The following CEMIP2 variants were observed in gnomAD, a reference collection of about 807,000 sequenced individuals.
The protein encoded by CEMIP2 is cell migration inducing hyaluronidase 2, also known as cell surface hyaluronidase CEMIP2.
A neutral mutation model predicts 146.9 loss-of-function variants in CEMIP2; 79 were observed. That is an observed-to-expected ratio of 0.54 (90% confidence interval 0.45 to 0.65). The LOEUF is 0.65. Among genes scored for constraint, CEMIP2 ranks in the 30% least tolerant of loss-of-function variants. The pLI, the probability that CEMIP2 is intolerant of heterozygous loss-of-function variation, is 0.00. For missense variants in CEMIP2, 1,596 were observed against 1,696.2 expected, an observed-to-expected ratio of 0.94 and a Z score of 1.04; for synonymous variants, 601 against 606.3, an observed-to-expected ratio of 0.99 and a Z score of 0.13.
chr9:71,747,992 A>T (rs909333465), intron 2 of CEMIP2, among the ~76,000 whole-genome samples: 1 of 152,060 alleles, frequency 6.6e-6, no homozygotes, highest in South Asian at 2.1e-4. Flanking sequence ...AAACAAAAAA[A>T]CTCTTAAATT....
chr9:71,686,936 A>G (rs1156577127), intron 22 of CEMIP2: 1 of 152,220 alleles, frequency 6.6e-6, no homozygotes, highest in Non-Finnish European at 1.5e-5. Context: ...ATGGATAAAC[A>G]CAATTCTAAA....
intron 1 of CEMIP2, among the ~76,000 whole-genome samples, chr9:71,752,064 C>A (rs910139165): frequency 2.6e-5 from 4 of 152,026 alleles, no homozygotes; most frequent in African/African-American, 9.7e-5. Context: ...AAGGTAGATG[C>A]CATTACCTCC....
At chr9:71,715,236 GCTTTTTTTT>G in intron 14 of CEMIP2, 147 bp from the exon 15 acceptor site, 14 of 378,726 alleles carry the variant, frequency 3.7e-5, no homozygotes, top group East Asian at 1.2e-4. Flanking sequence ...TTCAGAAACT[GCTTTTTTTT>G]TTTTTTTTTT....
At chr9:71,741,568 A>G (rs1256263151) in intron 4 of CEMIP2, among the ~76,000 whole-genome samples, 1 of 150,962 alleles carries the variant, frequency 6.6e-6, no homozygotes, top group Non-Finnish European at 1.5e-5. Flanking sequence ...AATTTTATAT[A>G]CTATATGTCT....
chr9:71,750,473 C>T lies in CEMIP2; in HGVS notation c.-12-88G>A, dbSNP rs925259059. On this transcript the variant is annotated intron_variant, in intron 1 of 23. Coordinates refer to ENST00000377044, the MANE Select transcript of CEMIP2 (RefSeq NM_013390.3). ...TATTTATTTATGAGATGGAGTTTCACTCTTGTTGCCCACACTGGAGTGCAA... is the reference window on the plus strand; with the variant it reads ...TATTTATTTATGAGATGGAGTTTCATTCTTGTTGCCCACACTGGAGTGCAA... 2.9e-6 allele frequency: 3 copies of T among 1,018,986 alleles called. No homozygotes were observed. The African/African-American group carries it at 4.9e-5, about 17-fold the overall frequency. 63.1% of individuals were successfully genotyped at this position (1,018,986 alleles called of 1,614,324 possible).
chr9:71,735,402 A>G (rs1162400818), intron 5 of CEMIP2, among the ~76,000 whole-genome samples: 2 of 152,192 alleles, frequency 1.3e-5, no homozygotes, highest in East Asian at 3.9e-4. Context: ...AGCAGAGGAT[A>G]GGTCTGTAAT....
At chr9:71,690,880 C>A (rs1822208017) in intron 21 of CEMIP2, among the ~76,000 whole-genome samples, 1 of 152,070 alleles carries the variant, frequency 6.6e-6, no homozygotes, top group South Asian at 2.1e-4. Flanking sequence ...GGTTTGTGAC[C>A]TTTTCAAGAA....
intron 19 of CEMIP2, among the ~76,000 whole-genome samples, chr9:71,699,660 C>T (rs1177531902): frequency 6.6e-6 from 1 of 152,154 alleles, no homozygotes; most frequent in African/African-American, 2.4e-5. Flanking sequence ...CTTCTCCCCA[C>T]TCTGAACTTC....
intron 1 of CEMIP2, among the ~76,000 whole-genome samples, chr9:71,762,377 C>T (rs1328416976): frequency 6.6e-6 from 1 of 151,964 alleles, no homozygotes; most frequent in Non-Finnish European, 1.5e-5. Context: ...GTCCCATCCA[C>T]TTAGAGGCCG....
chr9:71,707,064 G>A (rs1016893001), intron 17 of CEMIP2, among the ~76,000 whole-genome samples: 1 of 152,152 alleles, frequency 6.6e-6, no homozygotes, highest in Non-Finnish European at 1.5e-5. Flanking sequence ...CAGACCGCAG[G>A]TGATCCACCT....
At chr9:71,721,692 T>C (rs919260112) in intron 12 of CEMIP2, among the ~76,000 whole-genome samples, 1 of 152,238 alleles carries the variant, frequency 6.6e-6, no homozygotes, top group South Asian at 2.1e-4. Context: ...CTATTAAATC[T>C]AGCACTCTAT....
intron 1 of CEMIP2, among the ~76,000 whole-genome samples, chr9:71,765,910 A>C (rs1265293757): frequency 6.6e-6 from 1 of 152,126 alleles, no homozygotes; most frequent in Non-Finnish European, 1.5e-5. Flanking sequence ...GGACCACAAT[A>C]GGTGATTAAT....
intron 2 of CEMIP2, among the ~76,000 whole-genome samples, chr9:71,747,964 C>T (rs371641693): frequency 5.9e-5 from 9 of 152,270 alleles, no homozygotes; most frequent in Admixed American, 4.6e-4. Context: ...AATCTTTAAG[C>T]TTTTCTTCCC....
At chr9:71,734,600 A>T (rs1236187045) in intron 6 of CEMIP2, among the ~76,000 whole-genome samples, 1 of 152,220 alleles carries the variant, frequency 6.6e-6, no homozygotes. Context: ...TATCATTAGC[A>T]GCAAGAATAT....
chr9:71,750,327 G>C lies in CEMIP2; in HGVS notation c.47C>G (p.Pro16Arg). The change falls in exon 2 of 24, where the codon CCT becomes CGT. Residue 16 changes from proline to arginine, a missense_variant. By Grantham distance (103) the Pro-to-Arg change is moderately radical. Coordinates refer to ENST00000377044, the MANE Select transcript of CEMIP2 (RefSeq NM_013390.3). ...TGGGTGACGACTATTTCCATTCTGA[G>C]GTTGGAGGAAAGCAGGGGAGTGTCC... is the stretch of plus-strand genomic sequence containing the variant. The part of the protein sequence containing the change: ...SRGHSPAFLQ[P>R]QNGNSRHPSG... 1 of 1,613,938 alleles carries C rather than the reference G, an allele frequency of 6.2e-7. No homozygotes were observed. The highest frequency in any genetic ancestry group is 8.5e-7 in the Non-Finnish European group (1 of 1,179,974).
chr9:71,697,989 C>T lies in CEMIP2; in HGVS notation c.3593G>A (p.Arg1198Gln), dbSNP rs113363101. 2.6e-5 allele frequency: 42 copies of T among 1,613,108 alleles called. 1 individual carries two copies. Among genetic ancestry groups the T allele is most frequent in the East Asian group, 8.9e-5 (4 of 44,878 alleles). Residue 1198 changes from arginine (R) to glutamine (Q), a missense_variant, in exon 20 of 24, where the codon CGG becomes CAG. By Grantham distance (43) the Arg-to-Gln change is conservative (BLOSUM62 1). Coordinates refer to ENST00000377044, the MANE Select transcript of CEMIP2 (RefSeq NM_013390.3). ...CCACTTTTCATCCTTGTTTACCTGC[C>T]GAGTGCCACAGCCTTGACAGAGTCC... ...LTGLCQGCGT[R>Q]QVVFTSDPHK... is the part of the protein sequence containing the mutation.
intron 15 of CEMIP2, 158 bp from the exon 16 acceptor site, chr9:71,712,418 T>G (rs11142967): frequency 1.6e-6 from 1 of 633,250 alleles, no homozygotes; most frequent in African/African-American, 1.8e-5. Flanking sequence ...GAATGAAACA[T>G]ATGCTGTAGT....
In CEMIP2 at chr9:71,692,002, G is replaced by C. The variant is rs140385313; in HGVS notation, c.3697-1756C>G. ...CTAGCACCTGTAATCCCAGTTACTCGGGAGGCTGAGGCTGGAGAATCTCTT... is the reference window on the plus strand; with the variant it reads ...CTAGCACCTGTAATCCCAGTTACTCCGGAGGCTGAGGCTGGAGAATCTCTT... On this transcript the variant is annotated intron_variant, in intron 21 of 23. Transcript: ENST00000377044. 1.3e-3 allele frequency among the ~76,000 whole-genome samples: 202 copies of C among 152,042 alleles called. 1 individual carries two copies. The highest frequency in any genetic ancestry group is 4.4e-3 in the African/African-American group (182 of 41,470).
intron 1 of CEMIP2, among the ~76,000 whole-genome samples, chr9:71,760,243 G>A (rs887523994): frequency 6.6e-6 from 1 of 152,216 alleles, no homozygotes; most frequent in Non-Finnish European, 1.5e-5. Context: ...AAATGCCTAT[G>A]GTCTGTATTT....
Sources: allele counts gnomAD v4.1 joint callset (sites outside exome capture counted in the v4.1 genomes callset), GRCh38; gene constraint gnomAD v4.1.1; transcripts MANE v1.5; gene names NCBI Gene and HGNC (gene_info 2026-07-23, HGNC 2026-07-21).